Variants in IQGAP2 observed in about 807,000 individuals in gnomAD.
The protein encoded by IQGAP2 is IQ motif containing GTPase activating protein 2, also known as ras GTPase-activating-like protein IQGAP2.
Under a neutral mutation model 201.3 loss-of-function variants are expected in IQGAP2, and 173 were observed. That is an observed-to-expected ratio of 0.86 (90% confidence interval 0.76 to 0.98). The LOEUF (loss-of-function observed/expected upper bound fraction) is 0.98. Ranked by LOEUF, IQGAP2 falls within the 50% of genes least tolerant of loss-of-function variation. The probability of loss-of-function intolerance (pLI) is 0.00; values close to 1 mark genes in which losing one functional copy is unlikely to be tolerated. For synonymous variants in IQGAP2, 675 were observed against 673.9 expected (o/e 1.00, Z -0.03); for missense variants, 1,687 against 1,864.8 (o/e 0.90, Z 1.76).
intron 2 of IQGAP2, among the ~76,000 whole-genome samples, chr5:76,553,539 GT>G (rs1446593164): frequency 6.6e-6 from 1 of 152,184 alleles, no homozygotes; most frequent in Non-Finnish European, 1.5e-5. Flanking sequence ...ACTTTCGTAT[GT>G]TCTGCAAGGC....
At chr5:76,586,822 T>G (rs890279820) in intron 5 of IQGAP2, among the ~76,000 whole-genome samples, 44 of 152,208 alleles carry the variant, frequency 2.9e-4, no homozygotes, top group African/African-American at 9.4e-4. Flanking sequence ...TCCACTTAGT[T>G]GTCCATACAA....
At chr5:76,610,094 ATATATATATATATATATATATTTTT>A (rs1748192126) in intron 12 of IQGAP2, among the ~76,000 whole-genome samples, 1 of 10,100 alleles carries the variant, frequency 9.9e-5, no homozygotes, top group Non-Finnish European at 2.1e-4. Flanking sequence ...ATATATATAT[ATATATATATATATATATATATTTTT>A]TTTTTTTTTT....
intron 2 of IQGAP2, among the ~76,000 whole-genome samples, chr5:76,496,862 C>T (rs1004932567): frequency 6.6e-6 from 1 of 150,404 alleles, no homozygotes; most frequent in Non-Finnish European, 1.5e-5. Flanking sequence ...TAGAGTCTTG[C>T]TCTGTTGCCC....
At chr5:76,488,155 C>T (rs1374522593) in intron 2 of IQGAP2, among the ~76,000 whole-genome samples, 1 of 152,178 alleles carries the variant, frequency 6.6e-6, no homozygotes, top group East Asian at 1.9e-4. Context: ...TAGCAGTGAG[C>T]ACAGTTTCCT....
At chr5:76,551,094 C>T (rs1406646920) in intron 2 of IQGAP2, among the ~76,000 whole-genome samples, 25 of 145,334 alleles carry the variant, frequency 1.7e-4, no homozygotes, top group South Asian at 4.5e-4. Flanking sequence ...CCAGACGGGG[C>T]GGCTGCGGGG....
intron 8 of IQGAP2, among the ~76,000 whole-genome samples, chr5:76,591,861 A>C (rs1746679124): frequency 6.6e-6 from 1 of 152,098 alleles, no homozygotes; most frequent in South Asian, 2.1e-4. Context: ...TTTGTACCCC[A>C]TTATATCAGA....
intron 27 of IQGAP2, among the ~76,000 whole-genome samples, chr5:76,674,990 T>C (rs1561579863): frequency 6.6e-6 from 1 of 152,224 alleles, no homozygotes; most frequent in Non-Finnish European, 1.5e-5. Flanking sequence ...TTGTTCTTCC[T>C]TGTATGCTAC....
chr5:76,537,435 A>G (rs1047738906), intron 2 of IQGAP2, among the ~76,000 whole-genome samples: 2 of 152,056 alleles, frequency 1.3e-5, no homozygotes, highest in South Asian at 2.1e-4. Context: ...GCAAAATTCC[A>G]AAGTGCAGAC....
At chr5:76,657,386 C>T (rs570091135) in intron 20 of IQGAP2, among the ~76,000 whole-genome samples, 1 of 152,238 alleles carries the variant, frequency 6.6e-6, no homozygotes, top group East Asian at 1.9e-4. Context: ...CTTCAGTGGT[C>T]AGGAAATAAA....
intron 2 of IQGAP2, among the ~76,000 whole-genome samples, chr5:76,496,757 C>G (rs1180707224): frequency 1.2e-3 from 92 of 79,322 alleles, no homozygotes; most frequent in African/African-American, 5.7e-3. Context: ...TTCTTTCTTT[C>G]TTTCTTTCTT....
chr5:76,570,719 T>G, intron 4 of IQGAP2, 62 bp downstream of exon 4: 6 of 1,071,236 alleles, frequency 5.6e-6, no homozygotes, highest in Non-Finnish European at 8.6e-6. Flanking sequence ...CAAACATCTC[T>G]TTATGAGCAA....
intron 2 of IQGAP2, among the ~76,000 whole-genome samples, chr5:76,491,699 G>A (rs1238546648): frequency 1.3e-5 from 2 of 152,066 alleles, no homozygotes; most frequent in African/African-American, 4.8e-5. Flanking sequence ...GCAAATACCT[G>A]GCTCCTGTTG....
At chr5:76,514,749 G>C (rs934550399) in intron 2 of IQGAP2, among the ~76,000 whole-genome samples, 1 of 152,120 alleles carries the variant, frequency 6.6e-6, no homozygotes, top group African/African-American at 2.4e-5. Context: ...CGTTGTACTT[G>C]CCTCCCCCTC....
chr5:76,651,039 T>G (rs1168346175), intron 17 of IQGAP2, among the ~76,000 whole-genome samples: 3 of 152,172 alleles, frequency 2.0e-5, no homozygotes, highest in Non-Finnish European at 4.4e-5. Context: ...TCCCCAAAAC[T>G]ATACCCTTTT....
intron 2 of IQGAP2, among the ~76,000 whole-genome samples, chr5:76,504,904 G>A (rs894004404): frequency 6.6e-6 from 1 of 152,120 alleles, no homozygotes; most frequent in Admixed American, 6.5e-5. Flanking sequence ...CTGATTTCCA[G>A]CTGTCCCTCT....
At chr5:76,632,203 A>G (rs1010959338) in intron 15 of IQGAP2, among the ~76,000 whole-genome samples, 177 bp downstream of exon 15, 1 of 152,188 alleles carries the variant, frequency 6.6e-6, no homozygotes, top group Non-Finnish European at 1.5e-5. Flanking sequence ...AGTTTTAGAA[A>G]GCTATGATGA....
intron 30 of IQGAP2, among the ~76,000 whole-genome samples, chr5:76,692,658 C>T (rs1199822229): frequency 6.6e-6 from 1 of 152,174 alleles, no homozygotes; most frequent in African/African-American, 2.4e-5. Flanking sequence ...AAGAATTTTC[C>T]AGCTCTTTAC....
intron 2 of IQGAP2, among the ~76,000 whole-genome samples, chr5:76,535,180 A>T (rs1377598987): frequency 1.3e-5 from 2 of 152,192 alleles, no homozygotes; most frequent in Admixed American, 1.3e-4. Context: ...CAGGGTGACA[A>T]GATCAGGCTT....
chr5:76,631,022 G>A (rs568836311), intron 14 of IQGAP2, among the ~76,000 whole-genome samples: 7 of 152,196 alleles, frequency 4.6e-5, no homozygotes, highest in East Asian at 1.9e-4. Context: ...TTTGATGTAC[G>A]TGTAAGAAAA....
Sources: allele counts gnomAD v4.1 joint callset (sites outside exome capture counted in the v4.1 genomes callset), GRCh38; gene constraint gnomAD v4.1.1; transcripts MANE v1.5; gene names NCBI Gene and HGNC (gene_info 2026-07-23, HGNC 2026-07-21).